Variants in ATRN observed in about 807,000 individuals in gnomAD.
ATRN encodes the protein attractin.
ATRN carries 54 observed loss-of-function variants against 178.7 expected under a neutral mutation model. That is an observed-to-expected ratio of 0.30 (90% confidence interval 0.24 to 0.38). The LOEUF is 0.38. Ranked by LOEUF, ATRN falls within the 10% of genes least tolerant of loss-of-function variation. The probability of loss-of-function intolerance (pLI) is 1.00; values close to 1 mark genes in which losing one functional copy is unlikely to be tolerated. For missense variants in ATRN, 1,443 were observed against 1,815.1 expected (o/e 0.79, Z 3.73); for synonymous variants, 636 against 663.0 (o/e 0.96, Z 0.63).
chr20:3,553,831 A>T (rs966384498), intron 6 of ATRN, among the ~76,000 whole-genome samples: 1 of 152,124 alleles, frequency 6.6e-6, no homozygotes, highest in African/African-American at 2.4e-5. Context: ...TTCTCTGACC[A>T]TCCAGTTCAG....
intron 25 of ATRN, among the ~76,000 whole-genome samples, chr20:3,626,885 C>T (rs1223016839): frequency 6.8e-6 from 1 of 147,702 alleles, no homozygotes; most frequent in South Asian, 2.1e-4. Flanking sequence ...CTCCCGGGTT[C>T]AAGCAATTCT....
intron 12 of ATRN, among the ~76,000 whole-genome samples, chr20:3,575,156 G>T (rs1568739575): frequency 6.6e-6 from 1 of 152,112 alleles, no homozygotes; most frequent in African/African-American, 2.4e-5. Flanking sequence ...TAGAGACGGG[G>T]TTTCACCATG....
chr20:3,606,505 C>T (rs377597395), intron 24 of ATRN, among the ~76,000 whole-genome samples: 11 of 152,170 alleles, frequency 7.2e-5, no homozygotes, highest in African/African-American at 1.7e-4. Context: ...GTCTCCAGAC[C>T]GGCACTGGCA....
At chr20:3,485,709 C>T (rs565508590) in intron 1 of ATRN, among the ~76,000 whole-genome samples, 38 of 147,172 alleles carry the variant, frequency 2.6e-4, no homozygotes, top group African/African-American at 9.2e-4. Context: ...GCAACCTCTG[C>T]CTCCTGGGTT....
In ATRN at chr20:3,638,824, T is replaced by G; in HGVS notation, c.3943-4T>G. ...ATTAATGGCTTTGCCATATTATTTA[T>G]CAGCAACTTCTTCGAGAGATGCAAC... On this transcript the variant is annotated splice_region_variant and splice_polypyrimidine_tract_variant and intron_variant, in intron 26 of 28. Transcript: ENST00000262919. The surrounding 1 kb of genome is among the most constrained non-coding windows in gnomAD (Gnocchi z 4.5). 6.2e-7 allele frequency: 1 copy of G among 1,613,948 alleles called. No homozygotes were observed. Among genetic ancestry groups the G allele is most frequent in the South Asian group, 1.1e-5 (1 of 91,064 alleles).
chr20:3,543,483 A>T (rs1294771895), intron 3 of ATRN, among the ~76,000 whole-genome samples: 1 of 152,138 alleles, frequency 6.6e-6, no homozygotes, highest in Non-Finnish European at 1.5e-5. Context: ...GCACTTTGGG[A>T]GGCCGAGGTG....
At chr20:3,492,558 G>A (rs1363722908) in intron 1 of ATRN, among the ~76,000 whole-genome samples, 2 of 152,096 alleles carry the variant, frequency 1.3e-5, no homozygotes, top group Non-Finnish European at 1.5e-5. Flanking sequence ...TTGGGGTAGA[G>A]TGGGAATGGA....
intron 1 of ATRN, among the ~76,000 whole-genome samples, chr20:3,520,532 TCACCCAGG>T (rs1396210025): frequency 6.6e-6 from 1 of 152,190 alleles, no homozygotes; most frequent in African/African-American, 2.4e-5. Flanking sequence ...TCTTGCTCTG[TCACCCAGG>T]CTGGAGTGCA....
intron 24 of ATRN, among the ~76,000 whole-genome samples, chr20:3,619,549 C>T (rs2086880566): frequency 6.6e-6 from 1 of 152,158 alleles, no homozygotes; most frequent in Non-Finnish European, 1.5e-5. Flanking sequence ...TTTTTGAGTA[C>T]CTTCTTTGTG....
chr20:3,566,872 A>G (rs1301526611), intron 11 of ATRN, among the ~76,000 whole-genome samples: 1 of 131,864 alleles, frequency 7.6e-6, no homozygotes, highest in Non-Finnish European at 1.5e-5. Context: ...ATGCCACTGC[A>G]TTCCAGCCTG....
chr20:3,576,699 A>ATCTATCTG (rs2086215575), intron 13 of ATRN, among the ~76,000 whole-genome samples, 160 bp from the exon 14 acceptor site: 4 of 14,996 alleles, frequency 2.7e-4, no homozygotes, highest in Admixed American at 1.4e-3. Flanking sequence ...CTGTCTGTCT[A>ATCTATCTG]TCTATCTATC....
At chr20:3,546,068 T>C (rs238689) in intron 4 of ATRN, among the ~76,000 whole-genome samples, 178 bp downstream of exon 4, 37,838 of 152,120 alleles carry the variant, frequency 0.25, 5,145 homozygotes, top group African/African-American at 0.29. Context: ...TTTTTCTGCT[T>C]ATTTATAATT....
At chr20:3,517,040 T>C (rs1244869666) in intron 1 of ATRN, among the ~76,000 whole-genome samples, 5 of 152,206 alleles carry the variant, frequency 3.3e-5, no homozygotes, top group African/African-American at 1.2e-4. Flanking sequence ...TTTCTGGTTC[T>C]AGATCTTTGA....
chr20:3,502,153 CAT>C (rs1336773381), intron 1 of ATRN, among the ~76,000 whole-genome samples: 2 of 151,870 alleles, frequency 1.3e-5, no homozygotes, highest in African/African-American at 4.8e-5. Context: ...TAAATATTTA[CAT>C]AGTTATACAA....
At chr20:3,474,297 T>C (rs1245927757) in intron 1 of ATRN, among the ~76,000 whole-genome samples, 2 of 152,198 alleles carry the variant, frequency 1.3e-5, no homozygotes, top group African/African-American at 4.8e-5. Flanking sequence ...GTCAGTGCTG[T>C]TTCCTGGGTA....
intron 3 of ATRN, 25 bp from the exon 4 acceptor site, chr20:3,545,737 T>C (rs1193923517): frequency 1.2e-6 from 2 of 1,612,818 alleles, no homozygotes; most frequent in Non-Finnish European, 1.7e-6. Context: ...TGCTTCCCTC[T>C]ATAAGAAGTG....
chr20:3,522,680 T>A (rs1254630360), intron 1 of ATRN, among the ~76,000 whole-genome samples: 4 of 152,184 alleles, frequency 2.6e-5, no homozygotes, highest in African/African-American at 9.7e-5. Flanking sequence ...AGCTGACATC[T>A]GGTGGATACC....
rs1250309627 is a variant in ATRN, at chr20:3,540,349, T to C, written c.608+14T>C. 1.4e-6 allele frequency: 2 copies of C among 1,471,950 alleles called. No homozygotes were observed. The highest frequency in any genetic ancestry group is 1.4e-5 in the African/African-American group (1 of 70,946). The allele number at this position is 1,471,950 out of a possible 1,614,324, so 91.2% of individuals were successfully genotyped here. ...TGCTGCATTTAGGTAAGCTCAGTCT[T>C]ACAAGCCTTCTTTCATCGTTTGATT... On this transcript the variant is annotated intron_variant, in intron 3 of 28. Transcript: ENST00000262919.
At chr20:3,570,830 G>A (rs757973332) in intron 11 of ATRN, among the ~76,000 whole-genome samples, 7 of 152,152 alleles carry the variant, frequency 4.6e-5, no homozygotes, top group Non-Finnish European at 1.0e-4. Flanking sequence ...TTTTAAATAC[G>A]CACAATCTAA....
Sources: allele counts gnomAD v4.1 joint callset (sites outside exome capture counted in the v4.1 genomes callset), GRCh38; gene constraint gnomAD v4.1.1; non-coding constraint Gnocchi (gnomAD v3.1); transcripts MANE v1.5; gene names NCBI Gene and HGNC (gene_info 2026-07-23, HGNC 2026-07-21).